The following RTTN variants were observed in gnomAD, a reference collection of about 807,000 sequenced individuals.
The protein encoded by RTTN is rotatin.
Under a neutral mutation model 269.2 loss-of-function variants are expected in RTTN, and 182 were observed. The ratio of observed to expected loss-of-function variants is 0.68; its 90% CI spans 0.60 to 0.76. The LOEUF (loss-of-function observed/expected upper bound fraction) is 0.76, where lower values mean the gene tolerates loss of function less well. Ranked by LOEUF, RTTN falls within the 30% of genes least tolerant of loss-of-function variation. The pLI, the probability that RTTN is intolerant of heterozygous loss-of-function variation, is 0.00. For missense variants in RTTN, 2,545 were observed against 2,608.6 expected (o/e 0.98, Z 0.53); for synonymous variants, 1,006 against 963.5 (o/e 1.04, Z -0.82).
chr18:70,128,978 G>C (rs2059933011), intron 23 of RTTN: 1 of 155,628 alleles, frequency 6.4e-6, no homozygotes, highest in Non-Finnish European at 1.4e-5. Context: ...GATCAAAAAT[G>C]AGGCTTAAAG....
At chr18:70,085,008 T>C (rs1455747703) in intron 32 of RTTN, among the ~76,000 whole-genome samples, 13 of 152,210 alleles carry the variant, frequency 8.5e-5, no homozygotes, top group Non-Finnish European at 2.9e-5. Flanking sequence ...AACTTTAATA[T>C]ACTCTGCCTT....
chr18:70,112,514 A>G (rs1048451714), intron 27 of RTTN, among the ~76,000 whole-genome samples: 6 of 149,824 alleles, frequency 4.0e-5, no homozygotes, highest in African/African-American at 1.5e-4. Context: ...AAGAGCTACC[A>G]TCCTTATCTC....
At chr18:70,115,470 T>C (rs2059580504) in intron 26 of RTTN, among the ~76,000 whole-genome samples, 2 of 151,734 alleles carry the variant, frequency 1.3e-5, no homozygotes, top group South Asian at 2.1e-4. Flanking sequence ...GAAGCATTAA[T>C]AGATATATGG....
At chr18:70,051,872 A>C (rs1322097567) in intron 38 of RTTN, among the ~76,000 whole-genome samples, 1 of 152,232 alleles carries the variant, frequency 6.6e-6, no homozygotes, top group African/African-American at 2.4e-5. Context: ...ATATTGGCAC[A>C]TTATAAAAAT....
intron 34 of RTTN, among the ~76,000 whole-genome samples, chr18:70,068,018 A>C (rs1489156251): frequency 6.6e-6 from 1 of 152,204 alleles, no homozygotes; most frequent in Non-Finnish European, 1.5e-5. Context: ...TGGTGCTTTA[A>C]AATTGATTAT....
chr18:70,116,791 T>C (rs112839130), intron 26 of RTTN, among the ~76,000 whole-genome samples: 119 of 152,132 alleles, frequency 7.8e-4, no homozygotes, highest in African/African-American at 2.5e-3. Context: ...CCCTCAATAA[T>C]GTCTGAGTGC....
intron 32 of RTTN, among the ~76,000 whole-genome samples, chr18:70,083,504 A>G (rs770181394): frequency 6.6e-6 from 1 of 152,192 alleles, no homozygotes; most frequent in Non-Finnish European, 1.5e-5. Context: ...ATGGTAAGAA[A>G]TAATGCAAAT....
chr18:70,006,355 G>A (rs756381046), intron 47 of RTTN, 26 bp downstream of exon 47: 24 of 1,532,864 alleles, frequency 1.6e-5, no homozygotes, highest in Non-Finnish European at 2.2e-5. Flanking sequence ...TGCTCCCCAG[G>A]TGTAACAATG....
chr18:70,178,187 C>T (rs1044723515), intron 10 of RTTN, among the ~76,000 whole-genome samples: 4 of 152,158 alleles, frequency 2.6e-5, no homozygotes, highest in African/African-American at 7.2e-5. Flanking sequence ...CAAGATCACA[C>T]CACTGCTCTC....
chr18:70,197,167 A>G (rs2061830565), intron 6 of RTTN, among the ~76,000 whole-genome samples: 1 of 152,178 alleles, frequency 6.6e-6, no homozygotes, highest in African/African-American at 2.4e-5. Context: ...AGATGTTGCA[A>G]TTCCCCACCC....
intron 23 of RTTN, among the ~76,000 whole-genome samples, chr18:70,133,014 A>T (rs12958836): frequency 2.1e-4 from 32 of 152,124 alleles, no homozygotes; most frequent in Non-Finnish European, 3.5e-4. Flanking sequence ...CCACATCTGG[A>T]CTGAGACATC....
At chr18:70,083,951 A>AG (rs1490493220) in intron 32 of RTTN, among the ~76,000 whole-genome samples, 3 of 151,916 alleles carry the variant, frequency 2.0e-5, no homozygotes, top group Non-Finnish European at 2.9e-5. Flanking sequence ...AATTGATAAA[A>AG]GGGCTCTACT....
intron 40 of RTTN, among the ~76,000 whole-genome samples, chr18:70,031,703 C>T (rs2057016791): frequency 6.6e-6 from 1 of 150,944 alleles, no homozygotes. Context: ...TCCAAGATGG[C>T]CAACTAGATA....
At chr18:70,112,045 C>T (rs761271673) in intron 27 of RTTN, among the ~76,000 whole-genome samples, 2 of 152,106 alleles carry the variant, frequency 1.3e-5, no homozygotes, top group African/African-American at 2.4e-5. Flanking sequence ...ATTTCATATC[C>T]AGCCAAACTA....
rs1320660180 is a variant in RTTN at position 70,003,703 on chromosome 18, A to T, written c.*448T>A. The T allele has an allele frequency of 2.0e-5, 3 of 152,438 alleles. No homozygotes were observed. Among genetic ancestry groups the T allele is most frequent in the East Asian group, 3.8e-4 (2 of 5,202 alleles). The allele number at this position is 152,438 out of a possible 1,614,324, so 9.4% of individuals were successfully genotyped here. On this transcript the variant is annotated 3_prime_UTR_variant, in exon 49 of 49. Coordinates refer to ENST00000640769, the MANE Select transcript of RTTN (RefSeq NM_173630.4). ...CCAAATTTTACATCAGTTAAAATTT[A>T]AAAAAAGAGAGAAACAACCAGGACA...
intron 28 of RTTN, among the ~76,000 whole-genome samples, chr18:70,098,024 A>T (rs2145307968): frequency 6.6e-6 from 1 of 151,198 alleles, no homozygotes; most frequent in Non-Finnish European, 1.5e-5. Context: ...AAAGGTTGAT[A>T]AATAGAGTAT....
chr18:70,179,481 TG>T (rs1259629280), intron 10 of RTTN, among the ~76,000 whole-genome samples: 3 of 152,210 alleles, frequency 2.0e-5, no homozygotes, highest in Non-Finnish European at 4.4e-5. Flanking sequence ...AATGGCTTTT[TG>T]TATTGTTTTG....
chr18:70,188,466 A>G (rs1264579802), intron 9 of RTTN, among the ~76,000 whole-genome samples: 1 of 152,244 alleles, frequency 6.6e-6, no homozygotes, highest in African/African-American at 2.4e-5. Flanking sequence ...AAGATATTGA[A>G]AGTAGCAATA....
intron 39 of RTTN, among the ~76,000 whole-genome samples, chr18:70,050,324 C>A (rs925380736): frequency 3.9e-5 from 6 of 152,086 alleles, no homozygotes; most frequent in Non-Finnish European, 8.8e-5. Flanking sequence ...TGAAAAAAAA[C>A]CCATCATCAC....
Sources: gnomAD v4.1 joint callset for allele counts (sites outside exome capture counted in the v4.1 genomes callset) on GRCh38, gnomAD v4.1.1 for gene constraint, MANE v1.5 for transcripts, NCBI Gene and HGNC (gene_info 2026-07-23, HGNC 2026-07-21) for gene names.